Variants in NDRG1 observed in about 807,000 individuals in gnomAD.
The protein encoded by NDRG1 is protein NDRG1.
Under a neutral mutation model 56.9 loss-of-function variants are expected in NDRG1, and 32 were observed. The ratio of observed to expected loss-of-function variants is 0.56; its 90% CI spans 0.42 to 0.76. The LOEUF is 0.76. Ranked by LOEUF, NDRG1 falls within the 30% of genes least tolerant of loss-of-function variation. The pLI, the probability that NDRG1 is intolerant of heterozygous loss-of-function variation, is 0.00. For missense variants in NDRG1, 507 were observed against 545.7 expected, an observed-to-expected ratio of 0.93 and a Z score of 0.71; for synonymous variants, 211 against 204.1, an observed-to-expected ratio of 1.03 and a Z score of -0.29.
chr8:133,260,641 GT>G (rs1250652976), intron 5 of NDRG1, among the ~76,000 whole-genome samples: 1 of 152,166 alleles, frequency 6.6e-6, no homozygotes, highest in Admixed American at 6.5e-5. Flanking sequence ...TTATCTGCTG[GT>G]TAACAATTAA....
chr8:133,281,597 C>G (rs1857807448), intron 2 of NDRG1, among the ~76,000 whole-genome samples: 1 of 152,054 alleles, frequency 6.6e-6, no homozygotes, highest in South Asian at 2.1e-4. Context: ...GAGCCCCAGC[C>G]TCACCCACCA....
intron 9 of NDRG1, among the ~76,000 whole-genome samples, chr8:133,252,655 C>T (rs1856125630): frequency 6.6e-6 from 1 of 151,656 alleles, no homozygotes; most frequent in African/African-American, 2.4e-5. Flanking sequence ...TCGCCAACTC[C>T]AGAGTGGGGC....
In NDRG1 at chr8:133,282,675, T is replaced by A. The variant is rs531957409; in HGVS notation, c.63+1574A>T. 1.5e-4 allele frequency among the ~76,000 whole-genome samples: 23 copies of A among 152,342 alleles called. No individual in the cohort carries two copies. The South Asian group carries it at 4.6e-3, about 30-fold the overall frequency. ...GCACACTGCAATCCGCCTCACCACA[T>A]TTTAAATTTTTGTTGGAACACATTA... On this transcript the variant is annotated intron_variant, in intron 2 of 15. Transcript: ENST00000323851.
chr8:133,296,872 C>G (rs1011398903), intron 1 of NDRG1: 2 of 219,038 alleles, frequency 9.1e-6, no homozygotes, highest in Admixed American at 5.6e-5. Context: ...CTCCAGAACC[C>G]CAATCCCCAG....
intron 6 of NDRG1, 46 bp from the exon 7 acceptor site, chr8:133,258,472 G>A (rs1267762814): frequency 6.3e-6 from 10 of 1,575,244 alleles, no homozygotes; most frequent in South Asian, 1.2e-5. Context: ...ACAGAGTGAC[G>A]GGAGCCTCCA....
intron 11 of NDRG1, 32 bp downstream of exon 11, chr8:133,248,683 T>G (rs1163621304): frequency 1.2e-6 from 2 of 1,613,650 alleles, no homozygotes; most frequent in African/African-American, 1.3e-5. Flanking sequence ...CAGCCCCGAC[T>G]GCAAGTGCTG....
chr8:133,278,503 A>G (rs1857584017), intron 3 of NDRG1, among the ~76,000 whole-genome samples: 1 of 152,100 alleles, frequency 6.6e-6, no homozygotes, highest in African/African-American at 2.4e-5. Flanking sequence ...AACGGGATGG[A>G]GCTCTGGCCA....
chr8:133,247,886 C>A lies in NDRG1; in HGVS notation c.796G>T (p.Val266Leu). ...TGATTTCTACATACCACGGCATCCA[C>A]TGCAGGCGAGCTGTCCCCAACCACC... is the stretch of plus-strand genomic sequence containing the variant. ...LLVVGDSSPAVDAVVECNSKL... is the reference protein window; with the variant it reads ...LLVVGDSSPALDAVVECNSKL... The change falls in exon 12 of 16, where the codon GTG becomes TTG. Residue 266 changes from valine (V) to leucine (L), a missense_variant. Physicochemically the swap from Val to Leu is conservative, Grantham distance 32. Coordinates refer to ENST00000323851, the MANE Select transcript of NDRG1 (RefSeq NM_006096.4). 6.2e-7 allele frequency: 1 copy of A among 1,614,136 alleles called. No homozygotes were observed. The highest frequency in any genetic ancestry group is 8.5e-7 in the Non-Finnish European group (1 of 1,180,032).
intron 8 of NDRG1, 44 bp downstream of exon 8, chr8:133,256,733 T>A: frequency 6.3e-7 from 1 of 1,592,924 alleles, no homozygotes; most frequent in East Asian, 2.2e-5. Flanking sequence ...CACCTGTCCC[T>A]CTTCTTGCAG....
Position 133,238,175 on chromosome 8 carries a change from A to G in NDRG1, c.*703T>C, listed in dbSNP as rs1281640277. On this transcript the variant is annotated 3_prime_UTR_variant, in exon 16 of 16. Coordinates refer to ENST00000323851, the MANE Select transcript of NDRG1 (RefSeq NM_006096.4). ...CTGAAATATTTTTGTCTGTAAAGCC[A>G]GGAGATTTTGTCGCCTGCTTTTGCT... 1 of 232,938 alleles carries G rather than the reference A, an allele frequency of 4.3e-6. No individual in the cohort carries two copies. Among genetic ancestry groups the G allele is most frequent in the Non-Finnish European group, 8.5e-6 (1 of 117,916 alleles). The allele number at this position is 232,938 out of a possible 1,614,324, so 14.4% of individuals were successfully genotyped here.
At chr8:133,267,789 C>T (rs1291756803) in intron 3 of NDRG1, among the ~76,000 whole-genome samples, 1 of 152,152 alleles carries the variant, frequency 6.6e-6, no homozygotes, top group East Asian at 1.9e-4. Flanking sequence ...GCCTCCAGGT[C>T]CTCACCCCTG....
rs1483482021 is a variant in NDRG1, at chr8:133,286,391, A to G, written c.-18-2062T>C. Among the ~76,000 whole-genome samples the G allele has an allele frequency of 2.0e-5, 3 of 152,186 alleles. No homozygotes were observed. The East Asian group carries it at 5.8e-4, about 29-fold the overall frequency. ...AGAAACCGTGATCACATTAGGACATAGTGTCTGTCAGTCTCCACCAGCTCT... is the reference window on the plus strand; with the variant it reads ...AGAAACCGTGATCACATTAGGACATGGTGTCTGTCAGTCTCCACCAGCTCT... On this transcript the variant is annotated intron_variant, in intron 1 of 15. Transcript: ENST00000323851.
intron 3 of NDRG1, among the ~76,000 whole-genome samples, chr8:133,271,881 G>C (rs1413516001): frequency 7.0e-6 from 1 of 143,626 alleles, no homozygotes; most frequent in Non-Finnish European, 1.5e-5. Context: ...ACGATAAAAA[G>C]ACAGCCACCC....
At chr8:133,296,688 GACACAGACACACACACACACAC>G (rs1160335007) in intron 1 of NDRG1, 1 of 312,030 alleles carries the variant, frequency 3.2e-6, no homozygotes, top group African/African-American at 3.1e-5. Flanking sequence ...TCCGTTCCCA[GACACAGACACACACACACACAC>G]ACACACACAC....
At position 133,280,261 on chromosome 8, in the gene NDRG1, T is replaced by C; in HGVS notation, c.70A>G (p.Thr24Ala). The C allele has an allele frequency of 1.2e-6, 2 of 1,614,068 alleles. No individual in the cohort carries two copies. The highest frequency in any genetic ancestry group is 1.7e-6 in the Non-Finnish European group (2 of 1,179,978). ...ACATCAAACTCTTGCAGGAGGCCGG[T>C]GATGGTCTGTGAAAAGACAAAAAAA... ...KPLVEKGETI[T>A]GLLQEFDVQE... Residue 24 changes from threonine to alanine, a missense_variant, in exon 3 of 16, where the codon ACC becomes GCC. Transcript: ENST00000323851.
intron 1 of NDRG1, among the ~76,000 whole-genome samples, chr8:133,286,934 C>G (rs1187350482): frequency 1.3e-5 from 2 of 152,102 alleles, no homozygotes; most frequent in Non-Finnish European, 2.9e-5. Flanking sequence ...CCGCATGAAC[C>G]AAGGACTGCA....
chr8:133,271,878 A>G (rs1857209629), intron 3 of NDRG1, among the ~76,000 whole-genome samples: 1 of 152,014 alleles, frequency 6.6e-6, no homozygotes, highest in Non-Finnish European at 1.5e-5. Flanking sequence ...AACACGATAA[A>G]AAGACAGCCA....
intron 15 of NDRG1, chr8:133,240,678 G>A (rs180774272): frequency 6.6e-6 from 1 of 152,290 alleles, no homozygotes; most frequent in East Asian, 1.9e-4. Flanking sequence ...TTCCCCCCAA[G>A]ACCTGCAGGA....
intron 1 of NDRG1, among the ~76,000 whole-genome samples, chr8:133,289,207 T>C (rs1225642886): frequency 6.6e-6 from 1 of 152,156 alleles, no homozygotes; most frequent in African/African-American, 2.4e-5. Flanking sequence ...TATGCCACCA[T>C]GCCTGGCTAT....
Sources: allele counts gnomAD v4.1 joint callset (sites outside exome capture counted in the v4.1 genomes callset), GRCh38; gene constraint gnomAD v4.1.1; transcripts MANE v1.5; gene names NCBI Gene and HGNC (gene_info 2026-07-23, HGNC 2026-07-21).